CADPS: variants seen among roughly 807,000 people sequenced by gnomAD.
The protein encoded by CADPS is calcium dependent secretion activator, also known as calcium-dependent secretion activator 1.
In CADPS, 57 loss-of-function variants were observed where a neutral mutation model predicts 167.3. The observed-to-expected ratio is 0.34, with a 90% CI of 0.28 to 0.42. CADPS has a LOEUF of 0.42. Among genes scored for constraint, CADPS ranks in the 20% least tolerant of loss-of-function variants. The pLI, the probability that CADPS is intolerant of heterozygous loss-of-function variation, is 1.00. For synonymous variants in CADPS, 676 were observed against 635.3 expected (o/e 1.06, Z -0.96); for missense variants, 1,414 against 1,738.1 (o/e 0.81, Z 3.32).
At chr3:62,517,299 G>A (rs1253490977) in intron 14 of CADPS, among the ~76,000 whole-genome samples, 1 of 152,144 alleles carries the variant, frequency 6.6e-6, no homozygotes, top group Non-Finnish European at 1.5e-5. Context: ...GGGACAGAGA[G>A]ACTAGCATGG....
At chr3:62,411,516 G>A (rs1039324974) in intron 28 of CADPS, among the ~76,000 whole-genome samples, 10 of 152,164 alleles carry the variant, frequency 6.6e-5, no homozygotes, top group South Asian at 2.1e-4. Flanking sequence ...TATGTTTGAA[G>A]CTTTCAATGC....
intron 3 of CADPS, among the ~76,000 whole-genome samples, chr3:62,709,976 T>A (rs997834758): frequency 6.6e-6 from 1 of 152,040 alleles, no homozygotes. Context: ...TTCACCATGT[T>A]GGCCAGACTG....
intron 7 of CADPS, among the ~76,000 whole-genome samples, chr3:62,590,681 T>C (rs2085774462): frequency 6.6e-6 from 1 of 152,102 alleles, no homozygotes; most frequent in Non-Finnish European, 1.5e-5. Context: ...AGATGAATTC[T>C]TGCTGGCATC....
intron 3 of CADPS, among the ~76,000 whole-genome samples, chr3:62,744,289 T>C (rs1178472176): frequency 6.6e-6 from 1 of 151,796 alleles, no homozygotes; most frequent in African/African-American, 2.4e-5. Context: ...CAGTTCACTC[T>C]AAAAGAATGA....
chr3:62,428,210 G>A (rs1204308458), intron 28 of CADPS, among the ~76,000 whole-genome samples: 15 of 149,548 alleles, frequency 1.0e-4, no homozygotes, highest in African/African-American at 3.5e-4. Flanking sequence ...CTGGGAATTT[G>A]GAATGAATGA....
intron 9 of CADPS, among the ~76,000 whole-genome samples, chr3:62,567,819 C>T (rs995976602): frequency 3.3e-5 from 5 of 152,042 alleles, no homozygotes; most frequent in African/African-American, 7.2e-5. Context: ...ATGTGATCCG[C>T]CCTCCTCAGC....
chr3:62,766,932 T>C (rs185602679), intron 1 of CADPS, among the ~76,000 whole-genome samples: 25 of 152,292 alleles, frequency 1.6e-4, no homozygotes, highest in Admixed American at 1.4e-3. Context: ...CTTGCTATCT[T>C]ATTCATCGAA....
intron 8 of CADPS, 117 bp downstream of exon 8, chr3:62,585,068 A>C (rs1050278332): frequency 2.5e-5 from 24 of 951,876 alleles, no homozygotes; most frequent in Non-Finnish European, 2.8e-5. Context: ...TTTTAATATG[A>C]ATTCTTTATA....
At chr3:62,475,592 A>C (rs1440389395) in intron 23 of CADPS, among the ~76,000 whole-genome samples, 3 of 142,718 alleles carry the variant, frequency 2.1e-5, no homozygotes, top group East Asian at 1.9e-4. Context: ...AAGAAAAAAA[A>C]AAAAAAAAAA....
At chr3:62,588,790 T>A (rs1241495085) in intron 7 of CADPS, among the ~76,000 whole-genome samples, 2 of 152,180 alleles carry the variant, frequency 1.3e-5, no homozygotes, top group Admixed American at 6.5e-5. Flanking sequence ...GACAGGTCAG[T>A]CTAGGGTCAT....
chr3:62,548,347 G>T (rs145233639), intron 11 of CADPS, among the ~76,000 whole-genome samples: 1 of 151,966 alleles, frequency 6.6e-6, no homozygotes. Context: ...CAAGAGTGGA[G>T]AACTTGGTGG....
chr3:62,551,097 A>G (rs2077251244), intron 10 of CADPS, among the ~76,000 whole-genome samples: 1 of 151,942 alleles, frequency 6.6e-6, no homozygotes. Flanking sequence ...TGGCCTTCAC[A>G]CTTCTCTCTC....
At chr3:62,649,526 A>G (rs978807216) in intron 5 of CADPS, among the ~76,000 whole-genome samples, 1 of 143,316 alleles carries the variant, frequency 7.0e-6, no homozygotes, top group Non-Finnish European at 1.5e-5. Flanking sequence ...TATCAAGGGA[A>G]TCATACAATA....
intron 26 of CADPS, among the ~76,000 whole-genome samples, chr3:62,463,368 G>A (rs2059599941): frequency 6.6e-6 from 1 of 152,158 alleles, no homozygotes. Context: ...TCAAAGTGAA[G>A]ACACAAAGAA....
intron 3 of CADPS, among the ~76,000 whole-genome samples, chr3:62,699,851 C>T (rs757865574): frequency 6.6e-6 from 1 of 152,044 alleles, no homozygotes; most frequent in Admixed American, 6.6e-5. Flanking sequence ...GTACACCGTG[C>T]CTGGCCTGTT....
Position 62,688,941 on chromosome 3 carries a change from A to G in CADPS, c.889-26547T>C, listed in dbSNP as rs115659548. On this transcript the variant is annotated intron_variant, in intron 3 of 29. Coordinates refer to ENST00000383710, the MANE Select transcript of CADPS (RefSeq NM_003716.4). ...GGGAGGAAGAGGACAATTCAAGTTG[A>G]CATTGACAGCAATTTTCTCCAGATG... Among the ~76,000 whole-genome samples the G allele has an allele frequency of 9.3e-3, 1,422 of 152,130 alleles. 35 individuals carry two copies. The highest frequency in any genetic ancestry group is 0.033 in the African/African-American group (1,373 of 41,498).
intron 2 of CADPS, 100 bp downstream of exon 2, chr3:62,765,771 T>C: frequency 1.5e-6 from 1 of 648,740 alleles, no homozygotes; most frequent in Non-Finnish European, 2.7e-6. Flanking sequence ...AGGATGATAC[T>C]GTAGTAAACC....
intron 22 of CADPS, among the ~76,000 whole-genome samples, chr3:62,480,676 T>G (rs1157475135): frequency 6.6e-6 from 1 of 152,228 alleles, no homozygotes; most frequent in African/African-American, 2.4e-5. Flanking sequence ...AGACCATTTT[T>G]TATTCCTTTG....
chr3:62,791,950 T>C (rs1046775218), intron 1 of CADPS, among the ~76,000 whole-genome samples: 2 of 152,178 alleles, frequency 1.3e-5, no homozygotes, highest in Non-Finnish European at 2.9e-5. Flanking sequence ...GTTTTACTTA[T>C]CAAGGCTCTT....
Sources: allele counts gnomAD v4.1 joint callset (sites outside exome capture counted in the v4.1 genomes callset), GRCh38; gene constraint gnomAD v4.1.1; transcripts MANE v1.5; gene names NCBI Gene and HGNC (gene_info 2026-07-23, HGNC 2026-07-21).